Variants in CYTH3 observed in about 807,000 individuals in gnomAD.
CYTH3 encodes cytohesin 3.
Under a neutral mutation model 55.1 loss-of-function variants are expected in CYTH3, and 23 were observed. That is an observed-to-expected ratio of 0.42 (90% CI 0.30 to 0.59). The LOEUF is 0.59. CYTH3 is among the 20% of genes least tolerant of loss of function. CYTH3 has a pLI of 0.20. For missense variants in CYTH3, 413 were observed against 524.8 expected (o/e 0.79, Z 2.08); for synonymous variants, 249 against 194.9 (o/e 1.28, Z -2.31).
At chr7:6,248,211 G>T (rs1779870648) in intron 1 of CYTH3, among the ~76,000 whole-genome samples, 3 of 144,152 alleles carry the variant, frequency 2.1e-5, no homozygotes, top group Admixed American at 7.0e-5. Flanking sequence ...CTGAACAATA[G>T]TATTTAGACC....
At chr7:6,208,282 G>A (rs982991802) in intron 1 of CYTH3, among the ~76,000 whole-genome samples, 1 of 152,186 alleles carries the variant, frequency 6.6e-6, no homozygotes, top group Non-Finnish European at 1.5e-5. Context: ...CAAACATGGT[G>A]TTACAACCCT....
At chr7:6,213,680 A>T (rs937424007) in intron 1 of CYTH3, among the ~76,000 whole-genome samples, 3 of 152,044 alleles carry the variant, frequency 2.0e-5, no homozygotes, top group Non-Finnish European at 4.4e-5. Context: ...ACTATCTCAC[A>T]GCTTTGGTGC....
chr7:6,182,805 C>A (rs1048004082), intron 4 of CYTH3, among the ~76,000 whole-genome samples: 1 of 152,140 alleles, frequency 6.6e-6, no homozygotes, highest in African/African-American at 2.4e-5. Context: ...CCGCCCTCCC[C>A]GCCTCTATTG....
rs867287441 is a variant in CYTH3 at position 6,165,308 on chromosome 7, G to A, written c.1092C>T (p.Ser364=). 1.2e-6 allele frequency: 2 copies of A among 1,613,944 alleles called. No individual in the cohort carries two copies. Among genetic ancestry groups the A allele is most frequent in the South Asian group, 1.1e-5 (1 of 91,080 alleles). The change falls in exon 12 of 13, where the codon AGC becomes AGT. Residue 364 remains serine, a synonymous_variant. Coordinates refer to ENST00000350796, the MANE Select transcript of CYTH3 (RefSeq NM_004227.4). ...NHVVYRISAP[S]PEEKEEWMKS... is the part of the protein sequence containing the mutation. ...TCATCCACTCCTCCTTCTCCTCCGG[G>A]CTCGGGGCTGAGATCCGGTACACCA...
At chr7:6,183,666 A>G (rs559731487) in intron 4 of CYTH3, among the ~76,000 whole-genome samples, 1 of 152,314 alleles carries the variant, frequency 6.6e-6, no homozygotes, top group African/African-American at 2.4e-5. Flanking sequence ...ATGGGGAGGT[A>G]GATATAATTT....
chr7:6,180,621 A>G lies in CYTH3; in HGVS notation c.250-2680T>C, dbSNP rs150520659. 8.5e-4 allele frequency among the ~76,000 whole-genome samples: 130 copies of G among 152,314 alleles called. 2 individuals are homozygous for G. In the East Asian group the frequency reaches 0.014, roughly 17 times the overall value. On this transcript the variant is annotated intron_variant, in intron 4 of 12. Transcript: ENST00000350796. ...CGAGAATAGATTTCTCTTGTTTTAA[A>G]CCACCCCGTTGCTGGTCATTTGTCA...
rs1491219669 is a variant in CYTH3, at chr7:6,259,772, T to TATATATAATATA, written c.34+12701_34+12702insTATATTATATAT. 2.3e-4 allele frequency among the ~76,000 whole-genome samples: 7 copies of TATATATAATATA among 30,500 alleles called. 1 individual carries two copies. In the East Asian group the frequency reaches 5.1e-3, roughly 22 times the overall value. 20.0% of individuals were successfully genotyped at this position (30,500 alleles called of 152,430 possible). A position where few individuals can be genotyped will look rare whatever the true frequency, so the allele number is the denominator to read the frequency against. ...TATATATATATTATATATATATATA[T>TATATATAATATA]TATATATATATAATATATATATATA... On this transcript the variant is annotated intron_variant, in intron 1 of 12. Coordinates refer to ENST00000350796, the MANE Select transcript of CYTH3 (RefSeq NM_004227.4).
At chr7:6,257,984 C>A (rs538313036) in intron 1 of CYTH3, among the ~76,000 whole-genome samples, 2 of 152,158 alleles carry the variant, frequency 1.3e-5, no homozygotes, top group East Asian at 3.9e-4. Flanking sequence ...GGCTACTCAT[C>A]CAGGTCCAAC....
At chr7:6,202,706 G>A (rs376794979) in intron 1 of CYTH3, among the ~76,000 whole-genome samples, 2 of 152,084 alleles carry the variant, frequency 1.3e-5, no homozygotes, top group Admixed American at 6.6e-5. Context: ...TGATCCGCCC[G>A]CCTTGGCCTC....
chr7:6,170,759 C>T lies in CYTH3; in HGVS notation c.711+71G>A, dbSNP rs1203620769. The T allele has an allele frequency of 6.4e-7, 1 of 1,569,094 alleles. No homozygotes were observed. The highest frequency in any genetic ancestry group is 8.6e-7 in the Non-Finnish European group (1 of 1,156,694). ...GGAGGCTTGGGAGGCGTGTCTAGAG[C>T]CGCGGGCGCTGCGGCCGCTCACAGC... is the stretch of plus-strand genomic sequence containing the variant. On this transcript the variant is annotated intron_variant, in intron 8 of 12. Transcript: ENST00000350796. The surrounding 1 kb of genome is among the most constrained non-coding windows in gnomAD (Gnocchi z 7.8).
At chr7:6,166,568 C>T (rs1007143315) in intron 9 of CYTH3, among the ~76,000 whole-genome samples, 1 of 152,188 alleles carries the variant, frequency 6.6e-6, no homozygotes, top group African/African-American at 2.4e-5. Context: ...AAGTGGGGGC[C>T]AGCACGGGCG....
chr7:6,206,007 A>G (rs1349270917), intron 1 of CYTH3, among the ~76,000 whole-genome samples: 2 of 152,124 alleles, frequency 1.3e-5, no homozygotes, highest in Non-Finnish European at 2.9e-5. Flanking sequence ...AATAATACAG[A>G]AATCAATTAT....
In CYTH3 at chr7:6,187,102, C is replaced by A. The variant is rs1360136315; in HGVS notation, c.197G>T (p.Arg66Met). The change falls in exon 4 of 13, where the codon AGG becomes ATG. Residue 66 changes from arginine to methionine, a missense_variant. Physicochemically the swap from Arg to Met is moderately conservative, Grantham distance 91 (BLOSUM62 -1). Around this residue, in one of 4 missense-constraint regions of CYTH3, gnomAD observed 152 missense variants for 148.1 expected, o/e 1.03. Coordinates refer to ENST00000350796, the MANE Select transcript of CYTH3 (RefSeq NM_004227.4). Reference sequence around the variant, plus strand: ...TCTTCCCATGGCTATCTGTTTGTTCCTCTGAGTCGTTTTGCTATTGGTGTG... The same window carrying A: ...TCTTCCCATGGCTATCTGTTTGTTCATCTGAGTCGTTTTGCTATTGGTGTG... ...TSVEESKTTQ[R>M]NKQIAMGRKK... 1 of 1,614,164 alleles carries A rather than the reference C, an allele frequency of 6.2e-7. No homozygotes were observed. The highest frequency in any genetic ancestry group is 1.1e-5 in the South Asian group (1 of 91,084).
intron 1 of CYTH3, among the ~76,000 whole-genome samples, chr7:6,215,656 T>A (rs1562391989): frequency 6.7e-6 from 1 of 149,244 alleles, no homozygotes; most frequent in Non-Finnish European, 1.5e-5. Context: ...TTTTAATAGG[T>A]GAAAACTTCT....
intron 4 of CYTH3, among the ~76,000 whole-genome samples, chr7:6,182,304 C>T (rs1206456885): frequency 6.6e-6 from 1 of 152,156 alleles, no homozygotes; most frequent in Non-Finnish European, 1.5e-5. Flanking sequence ...CCCACCCCGG[C>T]CTCCCAAAGT....
intron 1 of CYTH3, among the ~76,000 whole-genome samples, chr7:6,265,318 G>GA (rs139859484): frequency 0.065 from 9,864 of 151,518 alleles, 1,093 homozygotes; most frequent in African/African-American, 0.23. Flanking sequence ...GCCCTTTTAT[G>GA]AAAAAAAAGC....
At chr7:6,220,187 G>T (rs909172841) in intron 1 of CYTH3, among the ~76,000 whole-genome samples, 1 of 152,096 alleles carries the variant, frequency 6.6e-6, no homozygotes, top group Non-Finnish European at 1.5e-5. Context: ...GTGAGCCACC[G>T]CGCCTGGCCT....
At chr7:6,256,999 C>T (rs1396102790) in intron 1 of CYTH3, among the ~76,000 whole-genome samples, 2 of 152,232 alleles carry the variant, frequency 1.3e-5, no homozygotes, top group African/African-American at 4.8e-5. Flanking sequence ...GACTAGTATA[C>T]AGTTTAACCA....
intron 1 of CYTH3, among the ~76,000 whole-genome samples, chr7:6,266,398 A>G (rs7783827): frequency 0.099 from 15,093 of 152,268 alleles, 1,073 homozygotes; most frequent in African/African-American, 0.19. Flanking sequence ...CAGAAAGTAC[A>G]CAGGACATAC....
Sources: gnomAD v4.1 joint callset for allele counts (sites outside exome capture counted in the v4.1 genomes callset) on GRCh38, gnomAD v4.1.1 for gene constraint, gnomAD v4.1.1 regional missense constraint, Gnocchi (gnomAD v3.1) non-coding constraint, MANE v1.5 for transcripts, NCBI Gene and HGNC (gene_info 2026-07-23, HGNC 2026-07-21) for gene names.